The following UBE2J2 variants were observed in gnomAD, a reference collection of about 807,000 sequenced individuals.
UBE2J2 encodes the protein ubiquitin conjugating enzyme E2 J2.
UBE2J2 carries 5 observed loss-of-function variants against 28.6 expected under a neutral mutation model. The ratio of observed to expected loss-of-function variants is 0.17; its 90% CI spans 0.09 to 0.37. The LOEUF (loss-of-function observed/expected upper bound fraction) is 0.37. Among genes scored for constraint, UBE2J2 ranks in the 10% least tolerant of loss-of-function variants. UBE2J2 has a pLI of 1.00. For synonymous variants in UBE2J2, 138 were observed against 139.7 expected (o/e 0.99, Z 0.09); for missense variants, 226 against 338.9 (o/e 0.67, Z 2.62).
chr1:1,269,610 G>A (rs538383804), intron 1 of UBE2J2, among the ~76,000 whole-genome samples: 2 of 152,206 alleles, frequency 1.3e-5, no homozygotes, highest in African/African-American at 2.4e-5. Context: ...ACAGGTGCCT[G>A]CCACCATGCC....
At chr1:1,267,132 G>A (rs533108315) in intron 2 of UBE2J2, among the ~76,000 whole-genome samples, 13 of 152,124 alleles carry the variant, frequency 8.5e-5, no homozygotes, top group East Asian at 3.9e-4. Context: ...CAGGTGATCC[G>A]CCCGCCTGAG....
In UBE2J2 at chr1:1,268,038, C is replaced by G; in HGVS notation, c.1-46G>C. On this transcript the variant is annotated intron_variant, in intron 1 of 6. Transcript: ENST00000349431. The surrounding 1 kb of genome is among the most constrained non-coding windows in gnomAD (Gnocchi z 4.7). ...ACTGACGACGAGAAGCAGCGCCGGC[C>G]ACAGCTCTCTCCCCTGGCGCAGCCC... 1 of 1,605,548 alleles carries G rather than the reference C, an allele frequency of 6.2e-7. No homozygotes were observed. The highest frequency in any genetic ancestry group is 8.5e-7 in the Non-Finnish European group (1 of 1,174,310).
At chr1:1,271,214 A>T (rs1640127289) in intron 1 of UBE2J2, among the ~76,000 whole-genome samples, 1 of 152,240 alleles carries the variant, frequency 6.6e-6, no homozygotes, top group South Asian at 2.1e-4. Context: ...ACACAGTGGC[A>T]TCCCCAGCTC....
intron 2 of UBE2J2, among the ~76,000 whole-genome samples, chr1:1,267,017 T>G (rs1570573589): frequency 6.6e-6 from 1 of 151,644 alleles, no homozygotes; most frequent in South Asian, 2.1e-4. Context: ...GCTTCCCGAG[T>G]AGCTGGGACT....
In UBE2J2 at chr1:1,271,307, C is replaced by T. The variant is rs540174897; in HGVS notation, c.-1+2359G>A. ...CCACAGTGATGACCCCAAGCAGCAC[C>T]GCCACACAGGCTGTCCTTTCGACAC... On this transcript the variant is annotated intron_variant, in intron 1 of 6. Transcript: ENST00000349431. 2.0e-5 allele frequency among the ~76,000 whole-genome samples: 3 copies of T among 152,248 alleles called. No individual in the cohort carries two copies. In the South Asian group the frequency reaches 6.2e-4, roughly 32 times the overall value.
chr1:1,259,259 G>A (rs1414823132), intron 3 of UBE2J2, among the ~76,000 whole-genome samples: 1 of 151,356 alleles, frequency 6.6e-6, no homozygotes, highest in African/African-American at 2.4e-5. Flanking sequence ...ATCAGGACAC[G>A]TGTGTGTGCA....
chr1:1,255,152 G>C lies in UBE2J2; in HGVS notation c.*51C>G. ...AGTGTGTCCAGCCTGCCGAGGTCAC[G>C]CTCTGGTGCGCGGTGCCCTCAGTGG... is the stretch of plus-strand genomic sequence containing the variant. On this transcript the variant is annotated 3_prime_UTR_variant, in exon 7 of 7. Coordinates refer to ENST00000349431, the MANE Select transcript of UBE2J2 (RefSeq NM_058167.3). 6.6e-7 allele frequency: 1 copy of C among 1,519,918 alleles called. No homozygotes were observed. Among genetic ancestry groups the C allele is most frequent in the Non-Finnish European group, 8.9e-7 (1 of 1,127,756 alleles). The allele number at this position is 1,519,918 out of a possible 1,614,324, so 94.2% of individuals were successfully genotyped here.
At chr1:1,267,382 G>A (rs1294738288) in intron 2 of UBE2J2, among the ~76,000 whole-genome samples, 1 of 152,222 alleles carries the variant, frequency 6.6e-6, no homozygotes, top group Non-Finnish European at 1.5e-5. Flanking sequence ...CCAGGGACAG[G>A]AGTGTCGGAC....
chr1:1,272,271 G>A (rs192685046), intron 1 of UBE2J2, among the ~76,000 whole-genome samples: 2 of 152,294 alleles, frequency 1.3e-5, no homozygotes, highest in East Asian at 1.9e-4. Flanking sequence ...CCTGCTGAGA[G>A]AAAGAGTTGG....
intron 2 of UBE2J2, among the ~76,000 whole-genome samples, chr1:1,264,227 A>G (rs1323425159): frequency 6.6e-6 from 1 of 152,186 alleles, no homozygotes; most frequent in African/African-American, 2.4e-5. Context: ...CCCCACACAG[A>G]GCTCACCCTC....
intron 1 of UBE2J2, among the ~76,000 whole-genome samples, chr1:1,270,396 T>C (rs1232485756): frequency 6.6e-6 from 1 of 152,102 alleles, no homozygotes; most frequent in African/African-American, 2.4e-5. Flanking sequence ...AGGATGTCAA[T>C]GGCCAGGGCT....
chr1:1,256,346 A>T, intron 5 of UBE2J2: 1 of 468,718 alleles, frequency 2.1e-6, no homozygotes. Flanking sequence ...AAAGACAGGG[A>T]AAAACAAGCC....
At chr1:1,264,100 G>T (rs1333046397) in intron 2 of UBE2J2, among the ~76,000 whole-genome samples, 1 of 152,136 alleles carries the variant, frequency 6.6e-6, no homozygotes, top group African/African-American at 2.4e-5. Flanking sequence ...AGTGATGCGG[G>T]GCCGGCTCGG....
intron 3 of UBE2J2, among the ~76,000 whole-genome samples, chr1:1,261,864 G>A (rs1639581873): frequency 6.8e-6 from 1 of 148,026 alleles, no homozygotes; most frequent in African/African-American, 2.6e-5. Flanking sequence ...TAGCAAGGAT[G>A]GTCTGGATCT....
rs750298362 is a variant in UBE2J2, at chr1:1,263,390, A to G, written c.132-4T>C. 4 of 1,612,376 alleles carry G rather than the reference A, an allele frequency of 2.5e-6. No individual in the cohort carries two copies. The highest frequency in any genetic ancestry group is 3.4e-6 in the Non-Finnish European group (4 of 1,178,726). Reference sequence around the variant, plus strand: ...TGGGCCTCGGACGACATAGTGCCTAAGGGAGAGAAGAAAATTACTTGGGAT... The same window carrying G: ...TGGGCCTCGGACGACATAGTGCCTAGGGGAGAGAAGAAAATTACTTGGGAT... On this transcript the variant is annotated splice_region_variant and splice_polypyrimidine_tract_variant and intron_variant, in intron 2 of 6. Transcript: ENST00000349431.
chr1:1,266,678 T>G (rs912765105), intron 2 of UBE2J2, among the ~76,000 whole-genome samples: 3 of 150,884 alleles, frequency 2.0e-5, no homozygotes, highest in Non-Finnish European at 4.4e-5. Context: ...AAACAAAAAA[T>G]TAGCCGGGCA....
chr1:1,264,067 T>C (rs1432439483), intron 2 of UBE2J2, among the ~76,000 whole-genome samples: 3 of 152,212 alleles, frequency 2.0e-5, no homozygotes, highest in African/African-American at 4.8e-5. Flanking sequence ...ATATCACACA[T>C]GCAGGCTAAA....
chr1:1,259,321 G>A (rs543930065), intron 3 of UBE2J2, among the ~76,000 whole-genome samples: 4 of 151,620 alleles, frequency 2.6e-5, no homozygotes, highest in Non-Finnish European at 4.4e-5. Flanking sequence ...CCATCAGGAC[G>A]CATGGGCGTG....
intron 3 of UBE2J2, 76 bp downstream of exon 3, chr1:1,263,270 A>G: frequency 1.5e-6 from 2 of 1,353,176 alleles, no homozygotes; most frequent in Non-Finnish European, 2.1e-6. Flanking sequence ...TTGCAAATAA[A>G]AGATGTTGAA....
Sources: allele counts gnomAD v4.1 joint callset (sites outside exome capture counted in the v4.1 genomes callset), GRCh38; gene constraint gnomAD v4.1.1; non-coding constraint Gnocchi (gnomAD v3.1); transcripts MANE v1.5; gene names NCBI Gene and HGNC (gene_info 2026-07-23, HGNC 2026-07-21).